The following DGKI variants were observed in gnomAD, a reference collection of about 807,000 sequenced individuals.
DGKI encodes DAG kinase iota.
A neutral mutation model predicts 147.5 loss-of-function variants in DGKI; 55 were observed. The observed-to-expected ratio is 0.37, with a 90% CI of 0.30 to 0.47. The LOEUF is 0.47. DGKI is among the 20% of genes least tolerant of loss of function. The pLI is 1.00. For synonymous variants in DGKI, 469 were observed against 477.1 expected, an observed-to-expected ratio of 0.98 and a Z score of 0.22; for missense variants, 1,007 against 1,323.8, an observed-to-expected ratio of 0.76 and a Z score of 3.71.
intron 21 of DGKI, among the ~76,000 whole-genome samples, chr7:137,502,603 A>G (rs895561469): frequency 3.3e-5 from 5 of 152,222 alleles, no homozygotes; most frequent in African/African-American, 9.6e-5. Flanking sequence ...CTACGTTCAC[A>G]TAAATAATAT....
intron 19 of DGKI, among the ~76,000 whole-genome samples, chr7:137,559,994 A>G (rs1208298236): frequency 6.6e-6 from 1 of 152,198 alleles, no homozygotes; most frequent in Non-Finnish European, 1.5e-5. Context: ...TTCGTCCCTT[A>G]TATAAGACTG....
intron 2 of DGKI, among the ~76,000 whole-genome samples, chr7:137,681,638 G>A (rs1406915439): frequency 6.6e-6 from 1 of 152,226 alleles, no homozygotes; most frequent in African/African-American, 2.4e-5. Flanking sequence ...TACCAGAGAA[G>A]ATGGAACTAG....
Position 137,504,175 on chromosome 7 carries a change from G to A in DGKI, c.2249-16486C>T, listed in dbSNP as rs147919833. 6.5e-3 allele frequency among the ~76,000 whole-genome samples: 991 copies of A among 152,274 alleles called. 3 individuals are homozygous for A. The highest frequency in any genetic ancestry group is 0.024 in the Middle Eastern group (7 of 294). On this transcript the variant is annotated intron_variant, in intron 21 of 32. Transcript: ENST00000614521. ...GGAGAAAACTCACAGCAGTTAATTC[G>A]TTCTCTGCAAGGTACCATGATGTGT... is the stretch of plus-strand genomic sequence containing the variant.
At chr7:137,586,953 G>A (rs1241235791) in intron 13 of DGKI, 144 bp downstream of exon 13, 2 of 536,470 alleles carry the variant, frequency 3.7e-6, no homozygotes, top group East Asian at 6.5e-5. Context: ...GATCAAATAA[G>A]GGCTCAAGGG....
rs1387610628 is a variant in DGKI at position 137,390,698 on chromosome 7, G to A, written c.*522C>T. 2 of 155,692 alleles carry A rather than the reference G, an allele frequency of 1.3e-5. No individual in the cohort carries two copies. Among genetic ancestry groups the A allele is most frequent in the East Asian group, 3.8e-4 (2 of 5,210 alleles). 9.6% of individuals were successfully genotyped at this position (155,692 alleles called of 1,614,324 possible). A position where few individuals can be genotyped will look rare whatever the true frequency, so the allele number is the denominator to read the frequency against. ...GATATATTTAGTCTTAGAAATGGAA[G>A]TGGTTTTACAGTTATATTTCTGCAG... On this transcript the variant is annotated 3_prime_UTR_variant, in exon 33 of 33. Transcript: ENST00000614521.
At chr7:137,618,127 C>CCATATATATATATATATATATATA (rs1416867213) in intron 8 of DGKI, among the ~76,000 whole-genome samples, 3 of 16,174 alleles carry the variant, frequency 1.9e-4, no homozygotes, top group Non-Finnish European at 6.2e-4. Context: ...TTCTAAAATA[C>CCATATATATATATATATATATATA]TATATATATA....
chr7:137,619,031 T>C (rs1820648378), intron 8 of DGKI, among the ~76,000 whole-genome samples: 1 of 152,202 alleles, frequency 6.6e-6, no homozygotes, highest in Non-Finnish European at 1.5e-5. Context: ...AGGACCACCA[T>C]ATCATTTAAA....
At chr7:137,540,248 G>A (rs1817644232) in intron 20 of DGKI, among the ~76,000 whole-genome samples, 1 of 152,092 alleles carries the variant, frequency 6.6e-6, no homozygotes, top group African/African-American at 2.4e-5. Context: ...TCAATCTAAT[G>A]GTGAAAGACA....
chr7:137,455,921 A>C (rs1814186830), intron 27 of DGKI, among the ~76,000 whole-genome samples: 1 of 152,154 alleles, frequency 6.6e-6, no homozygotes, highest in Non-Finnish European at 1.5e-5. Context: ...AATTTTTTTG[A>C]AAATATTTCA....
At position 137,645,463 on chromosome 7, in the gene DGKI, G is replaced by C; in HGVS notation, c.804+9C>G. 1 of 1,612,288 alleles carries C rather than the reference G, an allele frequency of 6.2e-7. No individual in the cohort carries two copies. Among genetic ancestry groups the C allele is most frequent in the Non-Finnish European group, 8.5e-7 (1 of 1,178,990 alleles). On this transcript the variant is annotated intron_variant, in intron 6 of 32. Coordinates refer to ENST00000614521, the MANE Select transcript of DGKI (RefSeq NM_001321708.2). ...CTCCTGCGAGGCCATGAGGTGGCTG[G>C]GCTCTTACCTTACCACACTGCTTAC... is the stretch of plus-strand genomic sequence containing the variant.
intron 1 of DGKI, among the ~76,000 whole-genome samples, chr7:137,787,817 T>C (rs1585492726): frequency 6.6e-6 from 1 of 152,168 alleles, no homozygotes; most frequent in East Asian, 1.9e-4. Context: ...GCAACCTGGA[T>C]GAAACTGGAC....
chr7:137,688,564 A>G (rs1215137460), intron 2 of DGKI, among the ~76,000 whole-genome samples: 1 of 152,158 alleles, frequency 6.6e-6, no homozygotes, highest in Non-Finnish European at 1.5e-5. Flanking sequence ...GGAATGTCTC[A>G]CCTCAAAGAA....
rs200820161 is a variant in DGKI, at chr7:137,609,137, G to A, written c.1069-73C>T. Reference sequence around the variant, plus strand: ...AGGCAACCCCAAGGCAAGGGAGGTGGAAAACCACCCAATAATACATTTTGT... The same window carrying A: ...AGGCAACCCCAAGGCAAGGGAGGTGAAAAACCACCCAATAATACATTTTGT... On this transcript the variant is annotated intron_variant, in intron 9 of 32. Coordinates refer to ENST00000614521, the MANE Select transcript of DGKI (RefSeq NM_001321708.2). 454 of 1,144,812 alleles carry A rather than the reference G, an allele frequency of 4.0e-4. 1 individual carries two copies. The African/African-American group carries it at 6.5e-3, about 16-fold the overall frequency. 70.9% of individuals were successfully genotyped at this position (1,144,812 alleles called of 1,614,324 possible).
intron 8 of DGKI, among the ~76,000 whole-genome samples, chr7:137,619,065 C>CTTTAGGG (rs1410070497): frequency 6.6e-6 from 1 of 152,112 alleles, no homozygotes; most frequent in East Asian, 1.9e-4. Context: ...ATAAGTCTTC[C>CTTTAGGG]TACAGTACCT....
chr7:137,520,899 C>G (rs1292118235), intron 21 of DGKI, among the ~76,000 whole-genome samples: 1 of 152,040 alleles, frequency 6.6e-6, no homozygotes, highest in Non-Finnish European at 1.5e-5. Context: ...ATTAATCCTG[C>G]CAGTTCTAAC....
intron 21 of DGKI, among the ~76,000 whole-genome samples, chr7:137,516,561 GA>G (rs547210797): frequency 1.3e-5 from 2 of 151,262 alleles, no homozygotes; most frequent in African/African-American, 4.8e-5. Flanking sequence ...TTTAAAAAAA[GA>G]AAAAAAGCTC....
In DGKI at chr7:137,597,915, G is replaced by T; in HGVS notation, c.1251-8C>A. 2.5e-6 allele frequency: 4 copies of T among 1,612,104 alleles called. No homozygotes were observed. The highest frequency in any genetic ancestry group is 3.4e-6 in the Non-Finnish European group (4 of 1,178,834). On this transcript the variant is annotated splice_region_variant and splice_polypyrimidine_tract_variant and intron_variant, in intron 11 of 32. Coordinates refer to ENST00000614521, the MANE Select transcript of DGKI (RefSeq NM_001321708.2). The stretch of plus-strand genomic sequence containing the variant: ...TTCCTATACAATTCAAGCCTGTAGA[G>T]GAAATAGAAGAAAAAGTAAACAAAA...
At chr7:137,525,744 A>G (rs1817122326) in intron 20 of DGKI, among the ~76,000 whole-genome samples, 1 of 152,210 alleles carries the variant, frequency 6.6e-6, no homozygotes, top group Non-Finnish European at 1.5e-5. Context: ...TATTATCATT[A>G]TAATAATTAT....
intron 21 of DGKI, among the ~76,000 whole-genome samples, chr7:137,518,777 G>A (rs1816865179): frequency 6.6e-6 from 1 of 152,000 alleles, no homozygotes; most frequent in Non-Finnish European, 1.5e-5. Flanking sequence ...AATATATCAT[G>A]TGTCAGTGAA....
Sources: gnomAD v4.1 joint callset for allele counts (sites outside exome capture counted in the v4.1 genomes callset) on GRCh38, gnomAD v4.1.1 for gene constraint, MANE v1.5 for transcripts, NCBI Gene and HGNC (gene_info 2026-07-23, HGNC 2026-07-21) for gene names.